Variants in NR4A1 observed in about 807,000 individuals in gnomAD.
NR4A1 encodes nuclear receptor subfamily 4immunitygroup A member 1.
Under a neutral mutation model 47.5 loss-of-function variants are expected in NR4A1, and 24 were observed. The observed-to-expected ratio is 0.50, with a 90% CI of 0.37 to 0.71. NR4A1 has a LOEUF of 0.71. NR4A1 is among the 30% of genes least tolerant of loss of function. NR4A1 has a pLI of 0.00. For synonymous variants in NR4A1, 353 were observed against 345.7 expected, an observed-to-expected ratio of 1.02 and a Z score of -0.24; for missense variants, 669 against 788.6, an observed-to-expected ratio of 0.85 and a Z score of 1.82.
chr12:52,031,811 G>C (rs1446597075), intron 1 of NR4A1, among the ~76,000 whole-genome samples: 7 of 128,898 alleles, frequency 5.4e-5, no homozygotes, highest in Non-Finnish European at 1.1e-4. Context: ...ACGGAGTCTC[G>C]CTCTGTTGCC....
chr12:52,027,873 GT>G (rs1781790087), intron 1 of NR4A1, among the ~76,000 whole-genome samples: 1 of 152,118 alleles, frequency 6.6e-6, no homozygotes, highest in Non-Finnish European at 1.5e-5. Flanking sequence ...GTAGGAGGGC[GT>G]TCTCCCAGCA....
chr12:52,040,504 T>C (rs925419803), intron 1 of NR4A1, among the ~76,000 whole-genome samples: 1 of 152,088 alleles, frequency 6.6e-6, no homozygotes, highest in Admixed American at 6.5e-5. Flanking sequence ...GGAAAGCAGG[T>C]GTAGTCCATG....
At position 52,055,166 on chromosome 12, in the gene NR4A1, G is replaced by C; in HGVS notation, c.838G>C (p.Gly280Arg). ...CGDNASCQHY[G>R]VRTCEGCKGF... ...GGACAACGCTTCATGCCAGCATTAT[G>C]GTGTCCGCACATGTGAGGGCTGCAA... Residue 280 changes from glycine to arginine, a missense_variant, in exon 2 of 7, where the codon GGT becomes CGT. Gly to Arg is a moderately radical substitution (Grantham distance 125, BLOSUM62 -2). Coordinates refer to ENST00000394825, the MANE Select transcript of NR4A1 (RefSeq NM_173157.3). The C allele has an allele frequency of 6.2e-7, 1 of 1,613,804 alleles. No individual in the cohort carries two copies. Among genetic ancestry groups the C allele is most frequent in the Non-Finnish European group, 8.5e-7 (1 of 1,180,042 alleles).
intron 1 of NR4A1, among the ~76,000 whole-genome samples, chr12:52,031,344 A>G (rs749640200): frequency 6.6e-6 from 1 of 151,256 alleles, no homozygotes; most frequent in Non-Finnish European, 1.5e-5. Context: ...CTCAGTTTAA[A>G]AGCTACTTCC....
intron 2 of NR4A1, among the ~76,000 whole-genome samples, chr12:52,045,295 A>AT (rs1159379724): frequency 1.3e-5 from 2 of 152,320 alleles, no homozygotes; most frequent in African/African-American, 4.8e-5. Context: ...CAGCCCCAGG[A>AT]TTCTGCTGCA....
chr12:52,052,541 C>G, intron 1 of NR4A1: 40 of 985,454 alleles, frequency 4.1e-5, no homozygotes, highest in Non-Finnish European at 4.8e-5. Flanking sequence ...GTGCAAGCCA[C>G]ATTGTTGCCA....
At chr12:52,047,258 T>C (rs1293360137), upstream of NR4A1, among the ~76,000 whole-genome samples, 1 of 152,222 alleles carries the variant, frequency 6.6e-6, no homozygotes, top group African/African-American at 2.4e-5. Flanking sequence ...GTGGCCAGTC[T>C]GGGACCAGCA....
At chr12:52,053,369 T>TC (rs1939079872) in intron 1 of NR4A1, 1 of 152,096 alleles carries the variant, frequency 6.6e-6, no homozygotes, top group Non-Finnish European at 1.5e-5. Flanking sequence ...CAGAATGTCT[T>TC]CCACCCACCC....
chr12:52,038,904 C>T (rs1938338248), intron 1 of NR4A1, among the ~76,000 whole-genome samples: 1 of 152,228 alleles, frequency 6.6e-6, no homozygotes, highest in Non-Finnish European at 1.5e-5. Context: ...AGCTTCTGCC[C>T]TGCTCTCTGG....
intron 1 of NR4A1, chr12:52,037,807 C>A: frequency 2.0e-6 from 2 of 985,468 alleles, no homozygotes; most frequent in Non-Finnish European, 1.2e-6. Context: ...CGTGATGCAA[C>A]CCCTTCGAGG....
At chr12:52,054,086 G>T in intron 1 of NR4A1, 1 of 531,032 alleles carries the variant, frequency 1.9e-6, no homozygotes, top group East Asian at 3.1e-5. Flanking sequence ...GGTGTGGCTG[G>T]CCTTCTGATG....
chr12:52,030,768 A>G (rs955508287), intron 1 of NR4A1, among the ~76,000 whole-genome samples: 1 of 152,110 alleles, frequency 6.6e-6, no homozygotes, highest in Non-Finnish European at 1.5e-5. Flanking sequence ...CAATACTAAA[A>G]TAGTGCCCAC....
intron 2 of NR4A1, chr12:52,043,805 TC>T: frequency 1.6e-6 from 2 of 1,288,184 alleles, no homozygotes; most frequent in Non-Finnish European, 2.0e-6. Flanking sequence ...CCCACAGGGC[TC>T]CCTGAGACCA....
Position 52,055,031 on chromosome 12 carries a change from C to T in NR4A1, c.703C>T (p.Pro235Ser). The stretch of plus-strand genomic sequence containing the variant: ...GCCTACGGCCTTCCCAGGTTTGGCA[C>T]CCACTTCTCCACACCTTGAGGGCTC... ...SMPTAFPGLA[P>S]TSPHLEGSGI... The change falls in exon 2 of 7, where the codon CCC becomes TCC. Residue 235 changes from proline (P) to serine (S), a missense_variant. Pro to Ser is a moderately conservative substitution (Grantham distance 74). Transcript: ENST00000394825. 3 of 1,614,244 alleles carry T rather than the reference C, an allele frequency of 1.9e-6. No individual in the cohort carries two copies. Among genetic ancestry groups the T allele is most frequent in the Non-Finnish European group, 2.5e-6 (3 of 1,180,042 alleles).
At position 52,054,880 on chromosome 12, in the gene NR4A1, A is replaced by G. The variant is rs1451859059; in HGVS notation, c.552A>G (p.Pro184=). 4 of 1,613,902 alleles carry G rather than the reference A, an allele frequency of 2.5e-6. No homozygotes were observed. Among genetic ancestry groups the G allele is most frequent in the Non-Finnish European group, 3.4e-6 (4 of 1,180,020 alleles). The change falls in exon 2 of 7, where the codon CCA becomes CCG. Residue 184 remains proline, a synonymous_variant. Coordinates refer to ENST00000394825, the MANE Select transcript of NR4A1 (RefSeq NM_173157.3). ...TEQLPKASGP[P]QPPAFFSFSP... is the part of the protein sequence containing the mutation. ...AGCTGCCCAAAGCCTCTGGGCCCCCACAGCCTCCAGCCTTCTTTTCCTTCA... is the reference window on the plus strand; with the variant it reads ...AGCTGCCCAAAGCCTCTGGGCCCCCGCAGCCTCCAGCCTTCTTTTCCTTCA...
At chr12:52,044,190 C>G (rs999028646) in intron 2 of NR4A1, among the ~76,000 whole-genome samples, 3 of 152,364 alleles carry the variant, frequency 2.0e-5, no homozygotes, top group African/African-American at 7.2e-5. Context: ...CTCCTCTCCT[C>G]TCCACCCCGC....
chr12:52,025,835 G>A (rs1161727761), intron 1 of NR4A1, among the ~76,000 whole-genome samples: 1 of 152,184 alleles, frequency 6.6e-6, no homozygotes, highest in Non-Finnish European at 1.5e-5. Context: ...TACCAGCAGA[G>A]GGCACCACCG....
At chr12:52,050,399 G>A (rs1255790184), upstream of NR4A1, among the ~76,000 whole-genome samples, 1 of 152,220 alleles carries the variant, frequency 6.6e-6, no homozygotes, top group African/African-American at 2.4e-5. Flanking sequence ...TGTGGCCCTG[G>A]GTTCCAACCC....
chr12:52,023,818 C>A (rs1937942337), intron 1 of NR4A1, among the ~76,000 whole-genome samples: 1 of 152,216 alleles, frequency 6.6e-6, no homozygotes, highest in Non-Finnish European at 1.5e-5. Context: ...TGCAAAGGGG[C>A]GGGTCCTGGT....
Sources: allele counts gnomAD v4.1 joint callset (sites outside exome capture counted in the v4.1 genomes callset), GRCh38; gene constraint gnomAD v4.1.1; transcripts MANE v1.5; gene names NCBI Gene and HGNC (gene_info 2026-07-23, HGNC 2026-07-21).